The following C16orf46 variants were observed in gnomAD, a reference collection of about 807,000 sequenced individuals.
C16orf46 encodes the protein chromosome 16 open reading frame 46, also known as uncharacterized protein C16orf46.
C16orf46 carries 7 observed loss-of-function variants against 5.5 expected under a neutral mutation model. The ratio of observed to expected loss-of-function variants is 1.28; its 90% CI spans 0.73 to 2.40. The LOEUF (loss-of-function observed/expected upper bound fraction) is 2.40. Ranked by LOEUF, C16orf46 falls within the 30% of genes most tolerant of loss-of-function variation. The pLI, the probability that C16orf46 is intolerant of heterozygous loss-of-function variation, is 0.00. For missense variants in C16orf46, 614 were observed against 476.0 expected (o/e 1.29, Z -2.70); for synonymous variants, 200 against 184.1 (o/e 1.09, Z -0.70).
chr16:81,064,019 C>T (rs1011775354), intron 2 of C16orf46, 26 bp from the exon 3 acceptor site: 37 of 1,210,046 alleles, frequency 3.1e-5, no homozygotes, highest in Non-Finnish European at 3.9e-5. Flanking sequence ...AATGGAACTT[C>T]GTTTTTAATA....
At chr16:81,057,343 G>C (rs1441130981), downstream of C16orf46, among the ~76,000 whole-genome samples, 2 of 152,028 alleles carry the variant, frequency 1.3e-5, no homozygotes, top group Non-Finnish European at 2.9e-5. Flanking sequence ...GAGGTCAGGA[G>C]TTTGAGACTA....
chr16:81,064,017 T>G (rs891519980), intron 2 of C16orf46, 24 bp from the exon 3 acceptor site: 6 of 1,266,638 alleles, frequency 4.7e-6, no homozygotes, highest in Non-Finnish European at 6.6e-6. Context: ...TGAATGGAAC[T>G]TCGTTTTTAA....
At position 81,061,253 on chromosome 16, in the gene C16orf46, T is replaced by C; in HGVS notation, c.1096A>G (p.Met366Val). The C allele has an allele frequency of 6.2e-7, 1 of 1,614,084 alleles. No homozygotes were observed. Among genetic ancestry groups the C allele is most frequent in the Non-Finnish European group, 8.5e-7 (1 of 1,180,018 alleles). ...CTTGGGAAAACTTTGGTCTCCAGCA[T>C]TTGGGGCCTGTTTTCCTGCTTGGCC... ...PKAKQENRPQMLETKVFPRPV... is the reference protein window; with the variant it reads ...PKAKQENRPQVLETKVFPRPV... Residue 366 changes from methionine to valine, a missense_variant, in exon 4 of 4, where the codon ATG (methionine) becomes GTG (valine). Coordinates refer to ENST00000299578, the MANE Select transcript of C16orf46 (RefSeq NM_152337.3).
At chr16:81,059,834 G>A (rs1420187351), downstream of C16orf46, among the ~76,000 whole-genome samples, 1 of 151,382 alleles carries the variant, frequency 6.6e-6, no homozygotes, top group African/African-American at 2.4e-5. Flanking sequence ...TGTCGCCCAG[G>A]CTGGAGAGCA....
chr16:81,071,335 T>TAAA (rs71272431), intron 1 of C16orf46, among the ~76,000 whole-genome samples: 3,895 of 152,274 alleles, frequency 0.026, 83 homozygotes, highest in African/African-American at 0.06. Context: ...TGATCAAGGC[T>TAAA]AAATGCCAGA....
chr16:81,064,236 C>T (rs1325469110), intron 2 of C16orf46, among the ~76,000 whole-genome samples: 1 of 151,636 alleles, frequency 6.6e-6, no homozygotes, highest in Non-Finnish European at 1.5e-5. Context: ...ATAAGGCGGG[C>T]ACCTGTAATC....
intron 3 of C16orf46, among the ~76,000 whole-genome samples, chr16:81,063,423 A>T (rs811704): frequency 0.95 from 145,038 of 152,078 alleles, 69,504 homozygotes; most frequent in Middle Eastern, 1. Context: ...TCGAGCATGT[A>T]ACTTTATCTT....
At chr16:81,065,119 T>C (rs1971612814) in intron 2 of C16orf46, among the ~76,000 whole-genome samples, 1 of 152,186 alleles carries the variant, frequency 6.6e-6, no homozygotes, top group African/African-American at 2.4e-5. Context: ...CAGTCCTATT[T>C]ACCGGCTGTG....
intron 1 of C16orf46, among the ~76,000 whole-genome samples, chr16:81,070,997 G>A (rs902931004): frequency 1.3e-5 from 2 of 152,102 alleles, no homozygotes; most frequent in Admixed American, 1.3e-4. Flanking sequence ...TTCATGTCTT[G>A]AACCACCACG....
At chr16:81,076,701 T>A (rs72825260) in intron 1 of C16orf46, 9,684 of 152,838 alleles carry the variant, frequency 0.063, 462 homozygotes, top group Middle Eastern at 0.13. Flanking sequence ...CGCATCACGC[T>A]CGGCTCCACC....
intron 1 of C16orf46, among the ~76,000 whole-genome samples, chr16:81,076,101 T>C (rs917951630): frequency 3.9e-5 from 6 of 152,224 alleles, no homozygotes; most frequent in Admixed American, 6.5e-5. Flanking sequence ...TAACAACCTA[T>C]GCTGAATGAA....
chr16:81,056,860 A>C (rs1971311211), downstream of C16orf46, among the ~76,000 whole-genome samples: 1 of 152,092 alleles, frequency 6.6e-6, no homozygotes, highest in Non-Finnish European at 1.5e-5. Context: ...AGCTCCCTTC[A>C]CACCTGCACC....
chr16:81,065,298 C>T (rs899739176), intron 2 of C16orf46, among the ~76,000 whole-genome samples: 1 of 151,804 alleles, frequency 6.6e-6, no homozygotes, highest in East Asian at 1.9e-4. Context: ...ATGGTGAAAC[C>T]CTATCTCTAC....
chr16:81,076,644 C>G, intron 1 of C16orf46: 1 of 152,642 alleles, frequency 6.6e-6, no homozygotes, highest in East Asian at 1.9e-4. Context: ...CAGCAAAGCG[C>G]AAGTCATCAA....
At chr16:81,055,212 C>G (rs1446720171) in intron 3 of C16orf46, 1 of 152,034 alleles carries the variant, frequency 6.6e-6, no homozygotes, top group Non-Finnish European at 1.5e-5. Context: ...CTTCAGAGGA[C>G]ATGCAGATTG....
At position 81,062,044 on chromosome 16, in the gene C16orf46, C is replaced by G. The variant is rs754222687; in HGVS notation, c.305G>C (p.Cys102Ser). Residue 102 changes from cysteine (C) to serine (S), a missense_variant, in exon 4 of 4, where the codon TGC (cysteine) becomes TCC (serine). Physicochemically the swap from Cys to Ser is moderately radical, Grantham distance 112. Coordinates refer to ENST00000299578, the MANE Select transcript of C16orf46 (RefSeq NM_152337.3). ...ARVGEGACSD[C>S]LVCVNLSHWS... Reference sequence around the variant, plus strand: ...GTGGGAGAGGTTAACACACACCAAGCAGTCGCTGCAGGCACCTTCCCCTAC... The same window carrying G: ...GTGGGAGAGGTTAACACACACCAAGGAGTCGCTGCAGGCACCTTCCCCTAC... 31 of 1,613,338 alleles carry G rather than the reference C, an allele frequency of 1.9e-5. No homozygotes were observed. Among genetic ancestry groups the G allele is most frequent in the African/African-American group, 2.7e-5 (2 of 74,912 alleles).
At chr16:81,059,677 C>A (rs969415979), downstream of C16orf46, among the ~76,000 whole-genome samples, 1 of 152,102 alleles carries the variant, frequency 6.6e-6, no homozygotes, top group African/African-American at 2.4e-5. Context: ...AAAATAACAG[C>A]CCCTTTCCAA....
At position 81,068,787 on chromosome 16, in the gene C16orf46, C is replaced by T. The variant is rs181871833; in HGVS notation, c.-127-2506G>A. 1.4e-3 allele frequency among the ~76,000 whole-genome samples: 216 copies of T among 152,114 alleles called. 1 individual carries two copies. Among genetic ancestry groups the T allele is most frequent in the African/African-American group, 5.0e-3 (209 of 41,486 alleles). The stretch of plus-strand genomic sequence containing the variant: ...CATGATTCCAGCTCACTGCAACCTC[C>T]GCCTCCTGGGTTCAAGTGATTCTTG... On this transcript the variant is annotated intron_variant, in intron 1 of 3. Transcript: ENST00000299578.
At chr16:81,062,247 AT>A in intron 3 of C16orf46, 109 bp from the exon 4 acceptor site, 1 of 902,464 alleles carries the variant, frequency 1.1e-6, no homozygotes, top group Non-Finnish European at 1.5e-6. Context: ...CAATATTCTT[AT>A]TTTTATTTAT....
Sources: gnomAD v4.1 joint callset for allele counts (sites outside exome capture counted in the v4.1 genomes callset) on GRCh38, gnomAD v4.1.1 for gene constraint, MANE v1.5 for transcripts, NCBI Gene and HGNC (gene_info 2026-07-23, HGNC 2026-07-21) for gene names.